RGS8: variants seen among roughly 807,000 people sequenced by gnomAD.
The protein encoded by RGS8 is regulator of G protein signaling 8.
Under a neutral mutation model 21.7 loss-of-function variants are expected in RGS8, and 8 were observed. The observed-to-expected ratio is 0.37, with a 90% CI of 0.22 to 0.66. RGS8 has a LOEUF of 0.66. Among genes scored for constraint, RGS8 ranks in the 30% least tolerant of loss-of-function variants. RGS8 has a pLI of 0.59. For missense variants in RGS8, 157 were observed against 217.9 expected, an observed-to-expected ratio of 0.72 and a Z score of 1.76; for synonymous variants, 80 against 83.6, an observed-to-expected ratio of 0.96 and a Z score of 0.24.
chr1:182,688,518 C>T (rs1368360097), upstream of RGS8, among the ~76,000 whole-genome samples: 1 of 152,192 alleles, frequency 6.6e-6, no homozygotes, highest in Non-Finnish European at 1.5e-5. Context: ...TCCTTGGAAC[C>T]TGTGACTATG....
In RGS8 at chr1:182,669,587, G is replaced by C. The variant is rs773969192; in HGVS notation, c.26+37C>G. ...GTGACAAGGTGGAGAAAAGAGGAAA[G>C]GGTCAGGGGCAAGAAAACAGGCCAT... On this transcript the variant is annotated intron_variant, in intron 3 of 6. Coordinates refer to ENST00000483095, the Ensembl canonical transcript of RGS8. 4 of 1,614,200 alleles carry C rather than the reference G, an allele frequency of 2.5e-6. No homozygotes were observed. The South Asian group carries it at 4.4e-5, about 18-fold the overall frequency.
upstream of RGS8, among the ~76,000 whole-genome samples, chr1:182,689,309 CA>C (rs1429981672): frequency 6.7e-6 from 1 of 148,344 alleles, no homozygotes; most frequent in Non-Finnish European, 1.5e-5. Context: ...ACACACACCC[CA>C]CAAGTGAATA....
At chr1:182,682,325 C>T (rs1664562786) in intron 1 of RGS8, among the ~76,000 whole-genome samples, 1 of 152,130 alleles carries the variant, frequency 6.6e-6, no homozygotes, top group Non-Finnish European at 1.5e-5. Flanking sequence ...GAAGAACAGG[C>T]ATATTTCTGC....
the RGS8 span, among the ~76,000 whole-genome samples, chr1:182,746,992 T>C: frequency 7.0e-6 from 1 of 143,154 alleles, no homozygotes; most frequent in Admixed American, 7.5e-5. Flanking sequence ...GATCCTCCTG[T>C]TTCAACCTCC....
chr1:182,681,641 C>T (rs1421632985), intron 1 of RGS8, among the ~76,000 whole-genome samples: 3 of 152,162 alleles, frequency 2.0e-5, no homozygotes, highest in Non-Finnish European at 4.4e-5. Flanking sequence ...GGTATTTGCT[C>T]CGAAATTCAC....
intron 6 of RGS8, 68 bp downstream of exon 7, chr1:182,648,069 C>G (rs1457835295): frequency 1.4e-6 from 2 of 1,388,940 alleles, no homozygotes; most frequent in Admixed American, 4.5e-5. Flanking sequence ...TGGCTCAGAT[C>G]CTCTCTGAGG....
the RGS8 span, among the ~76,000 whole-genome samples, chr1:182,738,864 A>G: frequency 1.3e-5 from 2 of 152,182 alleles, no homozygotes; most frequent in Admixed American, 1.3e-4. Flanking sequence ...TCATGTGGAG[A>G]GCTGGGGAGG....
intron 1 of RGS8, among the ~76,000 whole-genome samples, chr1:182,679,892 A>C (rs1319377704): frequency 6.6e-6 from 1 of 152,162 alleles, no homozygotes; most frequent in Non-Finnish European, 1.5e-5. Context: ...AGTTTCTGGC[A>C]CCACCATCTA....
the RGS8 span, among the ~76,000 whole-genome samples, chr1:182,736,270 C>G: frequency 6.6e-6 from 1 of 152,238 alleles, no homozygotes; most frequent in East Asian, 1.9e-4. Context: ...GATTAAGGAA[C>G]TGTCCCCAAA....
intron 3 of RGS8, among the ~76,000 whole-genome samples, chr1:182,669,321 C>G (rs767207093): frequency 3.3e-5 from 5 of 152,168 alleles, no homozygotes; most frequent in Non-Finnish European, 7.4e-5. Context: ...ACAGAGATCC[C>G]TAAATTGTTC....
upstream of RGS8, among the ~76,000 whole-genome samples, chr1:182,674,681 A>G (rs1664299312): frequency 1.3e-5 from 2 of 152,156 alleles, no homozygotes; most frequent in South Asian, 4.1e-4. Flanking sequence ...ATAAACAGAA[A>G]AGGCAAGCAG....
intron 6 of RGS8, among the ~76,000 whole-genome samples, chr1:182,647,448 A>G (rs969684465): frequency 9.2e-5 from 14 of 152,232 alleles, no homozygotes; most frequent in African/African-American, 3.4e-4. Flanking sequence ...TCGCATCCCA[A>G]GTCAAAGCAT....
the RGS8 span, among the ~76,000 whole-genome samples, chr1:182,739,431 A>G: frequency 6.6e-6 from 1 of 152,128 alleles, no homozygotes; most frequent in African/African-American, 2.4e-5. Flanking sequence ...GGGGGAACTG[A>G]TGTTCTTTCA....
chr1:182,701,714 CCTT>C, the RGS8 span, among the ~76,000 whole-genome samples: 1 of 152,190 alleles, frequency 6.6e-6, no homozygotes, highest in Non-Finnish European at 1.5e-5. Flanking sequence ...GCAAAGGAAT[CCTT>C]CTTAGTGGCC....
chr1:182,748,237 T>C, the RGS8 span, among the ~76,000 whole-genome samples: 5 of 152,340 alleles, frequency 3.3e-5, no homozygotes, highest in South Asian at 1.0e-3. Flanking sequence ...TAATTATGTA[T>C]CCTTTGACCA....
the RGS8 span, among the ~76,000 whole-genome samples, chr1:182,697,684 C>CT: frequency 7.1e-4 from 107 of 151,624 alleles, no homozygotes; most frequent in African/African-American, 2.0e-3. Context: ...TTCTAAAACA[C>CT]TTTTTTTTTC....
At chr1:182,722,800 C>T in the RGS8 span, among the ~76,000 whole-genome samples, 1 of 151,930 alleles carries the variant, frequency 6.6e-6, no homozygotes, top group Non-Finnish European at 1.5e-5. Context: ...CACGGTGAAA[C>T]CCCGTCTCTA....
the RGS8 span, among the ~76,000 whole-genome samples, chr1:182,713,642 T>C: frequency 6.6e-6 from 1 of 152,106 alleles, no homozygotes; most frequent in Non-Finnish European, 1.5e-5. Flanking sequence ...ACTTTCCTGG[T>C]TCACCTCTCT....
the RGS8 span, among the ~76,000 whole-genome samples, chr1:182,697,316 G>A: frequency 1.3e-5 from 2 of 152,140 alleles, no homozygotes; most frequent in Non-Finnish European, 2.9e-5. Flanking sequence ...ATCAGACCTG[G>A]CTCATGTCTC....
Sources: gnomAD v4.1 joint callset for allele counts (sites outside exome capture counted in the v4.1 genomes callset) on GRCh38, gnomAD v4.1.1 for gene constraint, MANE v1.5 for transcripts, NCBI Gene and HGNC (gene_info 2026-07-23, HGNC 2026-07-21) for gene names.